The following TDRD5 variants were observed in gnomAD, a reference collection of about 807,000 sequenced individuals.
TDRD5 encodes the protein tudor domain containing 5, also known as tudor domain-containing protein 5.
TDRD5 carries 41 observed loss-of-function variants against 120.6 expected under a neutral mutation model. The observed-to-expected ratio is 0.34, with a 90% confidence interval of 0.26 to 0.44. The LOEUF is 0.44. Among genes scored for constraint, TDRD5 ranks in the 20% least tolerant of loss-of-function variants. The pLI, the probability that TDRD5 is intolerant of heterozygous loss-of-function variation, is 1.00. For synonymous variants in TDRD5, 430 were observed against 433.7 expected (o/e 0.99, Z 0.11); for missense variants, 1,006 against 1,221.2 (o/e 0.82, Z 2.63).
chr1:179,594,153 AACT>A (rs1207866464), intron 3 of TDRD5, among the ~76,000 whole-genome samples: 2 of 152,236 alleles, frequency 1.3e-5, no homozygotes, highest in African/African-American at 4.8e-5. Flanking sequence ...TTATTTTAAA[AACT>A]ACAAGATCAG....
chr1:179,627,718 TATTTA>T (rs1677205571), intron 6 of TDRD5, among the ~76,000 whole-genome samples: 2 of 152,194 alleles, frequency 1.3e-5, no homozygotes, highest in African/African-American at 4.8e-5. Context: ...CTATCAAATA[TATTTA>T]ATTCTGTGAG....
chr1:179,645,185 A>G lies in TDRD5; in HGVS notation c.1800+4740A>G, dbSNP rs374931257. On this transcript the variant is annotated intron_variant, in intron 11 of 17. Coordinates refer to ENST00000444136, the MANE Select transcript of TDRD5 (RefSeq NM_001199085.3). ...ACTGCAAGCTCCGCCTCCCGGGTTC[A>G]CGCCATTCTCCTGCCTCAGCCTCCC... 1.4e-5 allele frequency among the ~76,000 whole-genome samples: 2 copies of G among 140,394 alleles called. 1 individual carries two copies. Among genetic ancestry groups the G allele is most frequent in the East Asian group, 4.1e-4 (2 of 4,864 alleles). The allele number at this position is 140,394 out of a possible 152,430, so 92.1% of individuals were successfully genotyped here. A position where few individuals can be genotyped will look rare whatever the true frequency, so the allele number is the denominator to read the frequency against.
Position 179,595,739 on chromosome 1 carries a change from A to C in TDRD5, c.752A>C (p.Gln251Pro). 1 of 1,614,008 alleles carries C rather than the reference A, an allele frequency of 6.2e-7. No homozygotes were observed. The highest frequency in any genetic ancestry group is 8.5e-7 in the Non-Finnish European group (1 of 1,179,894). ...ACTTCAAACATGGAACCACCGAAGC[A>C]AATAATGAGCATGGAAAAGACTTCC... is the stretch of plus-strand genomic sequence containing the variant. ...QPTSNMEPPKQIMSMEKTSKL... is the reference protein window; with the variant it reads ...QPTSNMEPPKPIMSMEKTSKL... The change falls in exon 4 of 18, where the codon CAA becomes CCA. Residue 251 changes from glutamine to proline, a missense_variant. This residue lies in a region of TDRD5 where 445 missense variants were observed against 515.5 expected (regional missense o/e 0.86). Coordinates refer to ENST00000444136, the MANE Select transcript of TDRD5 (RefSeq NM_001199085.3).
At chr1:179,595,404 G>C (rs557483489) in intron 3 of TDRD5, among the ~76,000 whole-genome samples, 1 of 152,034 alleles carries the variant, frequency 6.6e-6, no homozygotes, top group African/African-American at 2.4e-5. Context: ...ATAGCCCCAA[G>C]CTTTTGGTAA....
chr1:179,592,392 C>A (rs35577489), intron 1 of TDRD5: 1 of 513,164 alleles, frequency 1.9e-6, no homozygotes, highest in Non-Finnish European at 3.5e-6. Context: ...GGGCAGAGTT[C>A]TTGACACCTG....
intron 13 of TDRD5, among the ~76,000 whole-genome samples, chr1:179,652,579 A>G (rs1055237376): frequency 2.6e-5 from 4 of 152,148 alleles, no homozygotes; most frequent in African/African-American, 9.7e-5. Flanking sequence ...TATTTTTTCC[A>G]GCCCACAGTA....
chr1:179,672,183 T>C (rs1296786329), intron 17 of TDRD5, among the ~76,000 whole-genome samples: 1 of 152,156 alleles, frequency 6.6e-6, no homozygotes, highest in Non-Finnish European at 1.5e-5. Context: ...CTTTAAGGAA[T>C]CTCCACACTG....
At chr1:179,655,848 TACCCATTC>T (rs1214073230) in intron 14 of TDRD5, among the ~76,000 whole-genome samples, 1 of 152,234 alleles carries the variant, frequency 6.6e-6, no homozygotes, top group Non-Finnish European at 1.5e-5. Flanking sequence ...ACAGTTTGTA[TACCCATTC>T]ACCCATTGAA....
chr1:179,680,925 A>C (rs1680386021), intron 17 of TDRD5, among the ~76,000 whole-genome samples: 1 of 152,258 alleles, frequency 6.6e-6, no homozygotes, highest in South Asian at 2.1e-4. Flanking sequence ...CCAAATGGAC[A>C]AACAAAAAAC....
At chr1:179,689,658 C>T (rs887284529) in intron 17 of TDRD5, among the ~76,000 whole-genome samples, 1 of 152,114 alleles carries the variant, frequency 6.6e-6, no homozygotes, top group African/African-American at 2.4e-5. Context: ...GAGGTGGAGT[C>T]TACAGAGGCA....
At chr1:179,596,304 A>G (rs1675388309) in intron 4 of TDRD5, among the ~76,000 whole-genome samples, 2 of 152,262 alleles carry the variant, frequency 1.3e-5, no homozygotes, top group African/African-American at 4.8e-5. Flanking sequence ...AGTTCAAAAC[A>G]TGAAAATGCC....
intron 5 of TDRD5, among the ~76,000 whole-genome samples, chr1:179,620,180 C>T (rs986390161): frequency 6.6e-6 from 1 of 152,126 alleles, no homozygotes; most frequent in Non-Finnish European, 1.5e-5. Context: ...AAGGGTGTTT[C>T]TCTAAATGTA....
intron 17 of TDRD5, among the ~76,000 whole-genome samples, chr1:179,679,589 GGTA>G (rs1680318499): frequency 6.6e-6 from 1 of 151,864 alleles, no homozygotes; most frequent in African/African-American, 2.4e-5. Flanking sequence ...AGTAAACTTT[GGTA>G]GTTTTGTCTT....
chr1:179,622,315 A>G (rs556346910), intron 6 of TDRD5, among the ~76,000 whole-genome samples: 1 of 152,334 alleles, frequency 6.6e-6, no homozygotes, highest in Admixed American at 6.5e-5. Flanking sequence ...GAATCAAACA[A>G]TAATCTCCAA....
chr1:179,664,550 C>T (rs1572417747), intron 16 of TDRD5, among the ~76,000 whole-genome samples: 1 of 152,238 alleles, frequency 6.6e-6, no homozygotes, highest in East Asian at 1.9e-4. Context: ...AAATGGCACA[C>T]AGTATGTGGT....
At chr1:179,657,806 C>G (rs909359113) in intron 14 of TDRD5, among the ~76,000 whole-genome samples, 1 of 152,054 alleles carries the variant, frequency 6.6e-6, no homozygotes, top group Admixed American at 6.6e-5. Flanking sequence ...ATGTATAAGT[C>G]AAGCTATTTA....
At chr1:179,600,566 A>G (rs1017985128) in intron 4 of TDRD5, among the ~76,000 whole-genome samples, 4 of 152,190 alleles carry the variant, frequency 2.6e-5, no homozygotes, top group Admixed American at 6.5e-5. Context: ...TAAAAGATGC[A>G]TGGCTGTATT....
chr1:179,601,472 C>T (rs1375332757), intron 4 of TDRD5, among the ~76,000 whole-genome samples: 4 of 152,056 alleles, frequency 2.6e-5, no homozygotes, highest in African/African-American at 4.8e-5. Flanking sequence ...TATGCCTAGG[C>T]GTCCTCATAG....
chr1:179,634,729 T>G, intron 8 of TDRD5, 100 bp downstream of exon 8: 2 of 1,299,568 alleles, frequency 1.5e-6, no homozygotes, highest in Non-Finnish European at 2.1e-6. Flanking sequence ...AAAAGTCTTA[T>G]TTCTGGATAT....
Sources: allele counts gnomAD v4.1 joint callset (sites outside exome capture counted in the v4.1 genomes callset), GRCh38; gene constraint gnomAD v4.1.1; regional missense constraint gnomAD v4.1.1; transcripts MANE v1.5; gene names NCBI Gene and HGNC (gene_info 2026-07-23, HGNC 2026-07-21).